NUDCD2: variants seen among roughly 807,000 people sequenced by gnomAD.
NUDCD2 encodes nudC domain-containing protein 2.
In NUDCD2, 16 loss-of-function variants were observed where a neutral mutation model predicts 20.8. That is an observed-to-expected ratio of 0.77 (90% CI 0.52 to 1.17). The LOEUF (loss-of-function observed/expected upper bound fraction) is 1.17. Among genes scored for constraint, NUDCD2 ranks in the 50% most tolerant of loss-of-function variants. NUDCD2 has a pLI of 0.00. For missense variants in NUDCD2, 199 were observed against 193.9 expected (o/e 1.03, Z -0.16); for synonymous variants, 87 against 72.8 (o/e 1.20, Z -1.00).
In NUDCD2 at chr5:163,454,061, C is replaced by A; in HGVS notation, c.391-11G>T. 3 of 1,441,324 alleles carry A rather than the reference C, an allele frequency of 2.1e-6. No homozygotes were observed. Among genetic ancestry groups the A allele is most frequent in the Non-Finnish European group, 2.8e-6 (3 of 1,055,236 alleles). The allele number at this position is 1,441,324 out of a possible 1,614,324, so 89.3% of individuals were successfully genotyped here. ...GTCAAAACCAGGATTCTAAAAGATACAAACATATATATAATGAAATAAAAC... is the reference window on the plus strand; with the variant it reads ...GTCAAAACCAGGATTCTAAAAGATAAAAACATATATATAATGAAATAAAAC... On this transcript the variant is annotated splice_polypyrimidine_tract_variant and intron_variant, in intron 3 of 3. Transcript: ENST00000302764.
At chr5:163,457,532 A>T (rs1758354443) in intron 2 of NUDCD2, 30 bp downstream of exon 2, 1 of 1,280,298 alleles carries the variant, frequency 7.8e-7, no homozygotes, top group Non-Finnish European at 1.1e-6. Flanking sequence ...AAATTATTTT[A>T]ATTTGATGAA....
At chr5:163,457,107 C>T (rs575944835) in intron 2 of NUDCD2, 27 bp from the exon 3 acceptor site, 18 of 1,560,478 alleles carry the variant, frequency 1.2e-5, no homozygotes, top group Middle Eastern at 1.7e-4. Context: ...CACACACACA[C>T]GCACAAATAA....
rs1440019883 is a variant in NUDCD2, at chr5:163,449,015, T to G, written c.*4952A>C. On this transcript the variant is annotated 3_prime_UTR_variant, in exon 4 of 4. Transcript: ENST00000302764. ...ATACATAATGGTCAAAAACAATGCT[T>G]TCAAAATCCTAAGATCCAGAACAAG... is the stretch of plus-strand genomic sequence containing the variant. 4 of 152,274 alleles carry G rather than the reference T, an allele frequency of 2.6e-5. No homozygotes were observed. The East Asian group carries it at 7.7e-4, about 29-fold the overall frequency. The allele number at this position is 152,274 out of a possible 1,614,324, so 9.4% of individuals were successfully genotyped here. A position where few individuals can be genotyped will look rare whatever the true frequency, so the allele number is the denominator to read the frequency against.
Position 163,447,623 on chromosome 5 carries a change from CAT to C in NUDCD2, c.*6342_*6343del, listed in dbSNP as rs1758072733. ...CTAATAACCAGCTAGATTTAATTGA[CAT>C]AAAACCCTTCTACCTAAAACAGCAG... On this transcript the variant is annotated 3_prime_UTR_variant, in exon 4 of 4. Transcript: ENST00000302764. 1 of 152,132 alleles carries C rather than the reference CAT, an allele frequency of 6.6e-6. No homozygotes were observed. The allele number at this position is 152,132 out of a possible 1,614,324, so 9.4% of individuals were successfully genotyped here.
chr5:163,454,608 T>G (rs530208374), intron 3 of NUDCD2, among the ~76,000 whole-genome samples: 1 of 152,258 alleles, frequency 6.6e-6, no homozygotes, highest in South Asian at 2.1e-4. Context: ...CCCAAAGTGC[T>G]GGGATTACAG....
Position 163,456,910 on chromosome 5 carries a change from T to A in NUDCD2, c.390+19A>T. 6.4e-7 allele frequency: 1 copy of A among 1,565,026 alleles called. No individual in the cohort carries two copies. Among genetic ancestry groups the A allele is most frequent in the Non-Finnish European group, 8.7e-7 (1 of 1,148,980 alleles). On this transcript the variant is annotated intron_variant, in intron 3 of 3. Transcript: ENST00000302764. ...TTATATATTTAATTACACATACTCA[T>A]ACACTTCATCTGACTTACTTCTTTT...
At chr5:163,458,883 C>A (rs1196318852) in intron 1 of NUDCD2, 2 of 152,174 alleles carry the variant, frequency 1.3e-5, no homozygotes, top group African/African-American at 4.8e-5. Context: ...TAACTGAGAT[C>A]CAAGCTGACA....
In NUDCD2 at chr5:163,447,484, T is replaced by C. The variant is rs1758067823; in HGVS notation, c.*6483A>G. 2 of 149,882 alleles carry C rather than the reference T, an allele frequency of 1.3e-5. No homozygotes were observed. Among genetic ancestry groups the C allele is most frequent in the South Asian group, 4.2e-4 (2 of 4,748 alleles). 9.3% of individuals were successfully genotyped at this position (149,882 alleles called of 1,614,324 possible). On this transcript the variant is annotated 3_prime_UTR_variant, in exon 4 of 4. Coordinates refer to ENST00000302764, the MANE Select transcript of NUDCD2 (RefSeq NM_145266.6). ...AAACATGAAGCAAAAAGTGGTAGCA[T>C]TAAAAGGAGGACTGGACAAATCTTC... is the stretch of plus-strand genomic sequence containing the variant.
rs1758176815 is a variant in NUDCD2 at position 163,451,523 on chromosome 5, A to G, written c.*2444T>C. On this transcript the variant is annotated 3_prime_UTR_variant, in exon 4 of 4. Coordinates refer to ENST00000302764, the MANE Select transcript of NUDCD2 (RefSeq NM_145266.6). ...ACCATACACCAAAAAAGTTAATTTT[A>G]CTTTACTCAAAAAATTTTGTTAAAT... The G allele has an allele frequency of 6.6e-6, 1 of 152,228 alleles. No individual in the cohort carries two copies. The highest frequency in any genetic ancestry group is 1.5e-5 in the Non-Finnish European group (1 of 68,040). The allele number at this position is 152,228 out of a possible 1,614,324, so 9.4% of individuals were successfully genotyped here.
rs189994181 is a variant in NUDCD2, at chr5:163,449,920, G to A, written c.*4047C>T. The A allele has an allele frequency of 4.0e-4, 61 of 152,108 alleles. No individual in the cohort carries two copies. Among genetic ancestry groups the A allele is most frequent in the Admixed American group, 1.8e-3 (27 of 15,262 alleles). The allele number at this position is 152,108 out of a possible 1,614,324, so 9.4% of individuals were successfully genotyped here. A position where few individuals can be genotyped will look rare whatever the true frequency, so the allele number is the denominator to read the frequency against. ...CAAAAATTAACCTAAAATGGATCAC[G>A]GATCTAAATGTAGAACTAAATTTAT... On this transcript the variant is annotated 3_prime_UTR_variant, in exon 4 of 4. Coordinates refer to ENST00000302764, the MANE Select transcript of NUDCD2 (RefSeq NM_145266.6).
Position 163,457,979 on chromosome 5 carries a change from C to CTTTTTTT in NUDCD2, c.190-376_190-370dup, listed in dbSNP as rs540496894. On this transcript the variant is annotated intron_variant, in intron 1 of 3. Coordinates refer to ENST00000302764, the MANE Select transcript of NUDCD2 (RefSeq NM_145266.6). ...TCCTGCTAAAACTAAAAAATGTTGTCTTTTTTTTTTTTTTTTTTTTTTTTT... is the reference window on the plus strand; with the variant it reads ...TCCTGCTAAAACTAAAAAATGTTGTCTTTTTTTTTTTTTTTTTTTTTTTTTTTTTTTT... Among the ~76,000 whole-genome samples the CTTTTTTT allele has an allele frequency of 2.7e-4, 20 of 73,718 alleles. 3 individuals are homozygous for CTTTTTTT. The East Asian group carries it at 2.9e-3, about 11-fold the overall frequency. The allele number at this position is 73,718 out of a possible 152,430, so 48.4% of individuals were successfully genotyped here. A position where few individuals can be genotyped will look rare whatever the true frequency, so the allele number is the denominator to read the frequency against.
chr5:163,456,807 A>T, intron 3 of NUDCD2, 122 bp downstream of exon 3: 1 of 803,112 alleles, frequency 1.2e-6, no homozygotes, highest in Non-Finnish European at 1.8e-6. Flanking sequence ...AATTCACTTT[A>T]AAAATTCTTC....
rs550093416 is a variant in NUDCD2 at position 163,454,803 on chromosome 5, C to T, written c.391-753G>A. ...TTATCCAACAAACATTTGTTGAGCTCCTACTGTTTGGGAGACCATTAGAGG... is the reference window on the plus strand; with the variant it reads ...TTATCCAACAAACATTTGTTGAGCTTCTACTGTTTGGGAGACCATTAGAGG... On this transcript the variant is annotated intron_variant, in intron 3 of 3. Transcript: ENST00000302764. Among the ~76,000 whole-genome samples, 3 of 152,202 alleles carry T rather than the reference C, an allele frequency of 2.0e-5. No individual in the cohort carries two copies. The South Asian group carries it at 6.2e-4, about 32-fold the overall frequency.
At chr5:163,457,756 T>C (rs2113427352) in intron 1 of NUDCD2, 146 bp from the exon 2 acceptor site, 2 of 590,190 alleles carry the variant, frequency 3.4e-6, no homozygotes, top group Middle Eastern at 9.4e-4. Flanking sequence ...ACCCTAAATT[T>C]TCTCCCAGCA....
intron 3 of NUDCD2, among the ~76,000 whole-genome samples, chr5:163,456,171 G>A (rs1178847273): frequency 6.6e-6 from 1 of 152,164 alleles, no homozygotes; most frequent in African/African-American, 2.4e-5. Context: ...CAGAAAAAAA[G>A]TCTAGGCTAG....
intron 3 of NUDCD2, among the ~76,000 whole-genome samples, chr5:163,456,411 G>A (rs955142484): frequency 6.6e-6 from 1 of 152,140 alleles, no homozygotes; most frequent in Non-Finnish European, 1.5e-5. Context: ...ATCCTCTGAA[G>A]CAGTTAAAAA....
At chr5:163,456,532 AAAAAC>A (rs974342712) in intron 3 of NUDCD2, among the ~76,000 whole-genome samples, 1 of 152,202 alleles carries the variant, frequency 6.6e-6, no homozygotes, top group African/African-American at 2.4e-5. Flanking sequence ...ATTTATGCTA[AAAAAC>A]AAAACAAAAC....
rs1035129556 is a variant in NUDCD2, at chr5:163,448,820, A to G, written c.*5147T>C. The G allele has an allele frequency of 6.6e-6, 1 of 152,216 alleles. No homozygotes were observed. The highest frequency in any genetic ancestry group is 1.5e-5 in the Non-Finnish European group (1 of 68,030). The allele number at this position is 152,216 out of a possible 1,614,324, so 9.4% of individuals were successfully genotyped here. Reference sequence around the variant, plus strand: ...AATATAAGCTGTTTCAAAATTCTGGAATCAGTAAAATCCATGATTTTAACA... The same window carrying G: ...AATATAAGCTGTTTCAAAATTCTGGGATCAGTAAAATCCATGATTTTAACA... On this transcript the variant is annotated 3_prime_UTR_variant, in exon 4 of 4. Transcript: ENST00000302764.
In NUDCD2 at chr5:163,448,397, G is replaced by A. The variant is rs1408335392; in HGVS notation, c.*5570C>T. 5.3e-5 allele frequency: 8 copies of A among 151,892 alleles called. No homozygotes were observed. The highest frequency in any genetic ancestry group is 1.2e-4 in the African/African-American group (5 of 41,328). The allele number at this position is 151,892 out of a possible 1,614,324, so 9.4% of individuals were successfully genotyped here. On this transcript the variant is annotated 3_prime_UTR_variant, in exon 4 of 4. Transcript: ENST00000302764. ...TAACAGTATAGATCCTCATTAGAAC[G>A]ACACAAAGAAAATACCATGAACAAC... is the stretch of plus-strand genomic sequence containing the variant.
Sources: gnomAD v4.1 joint callset for allele counts (sites outside exome capture counted in the v4.1 genomes callset) on GRCh38, gnomAD v4.1.1 for gene constraint, MANE v1.5 for transcripts, NCBI Gene and HGNC (gene_info 2026-07-23, HGNC 2026-07-21) for gene names.